RPAP2: variants seen among roughly 807,000 people sequenced by gnomAD.
RPAP2 encodes the protein putative RNA polymerase II subunit B1 CTD phosphatase RPAP2.
In RPAP2, 52 loss-of-function variants were observed where a neutral mutation model predicts 73.1. That is an observed-to-expected ratio of 0.71 (90% CI 0.57 to 0.90). The LOEUF (loss-of-function observed/expected upper bound fraction) is 0.90, where lower values mean the gene tolerates loss of function less well. Among genes scored for constraint, RPAP2 ranks in the 40% least tolerant of loss-of-function variants. The pLI is 0.00. For synonymous variants in RPAP2, 225 were observed against 242.1 expected (o/e 0.93, Z 0.65); for missense variants, 598 against 701.8 (o/e 0.85, Z 1.67).
At chr1:92,335,547 T>C (rs912996611) in intron 9 of RPAP2, among the ~76,000 whole-genome samples, 1 of 152,160 alleles carries the variant, frequency 6.6e-6, no homozygotes, top group Non-Finnish European at 1.5e-5. Flanking sequence ...TGTATATTCA[T>C]TCTATTTGGT....
intron 11 of RPAP2, among the ~76,000 whole-genome samples, chr1:92,371,046 C>G (rs1655126210): frequency 6.6e-6 from 1 of 152,048 alleles, no homozygotes; most frequent in South Asian, 2.1e-4. Flanking sequence ...GTGGCTCATG[C>G]CTGTAATCCC....
At chr1:92,344,564 T>A (rs1653777440) in intron 10 of RPAP2, among the ~76,000 whole-genome samples, 1 of 152,238 alleles carries the variant, frequency 6.6e-6, no homozygotes, top group Admixed American at 6.5e-5. Context: ...AAAACCCATT[T>A]TTTTAACACA....
At chr1:92,362,977 A>T (rs1401520228) in intron 11 of RPAP2, among the ~76,000 whole-genome samples, 5 of 152,210 alleles carry the variant, frequency 3.3e-5, no homozygotes, top group Non-Finnish European at 1.5e-5. Context: ...ATTAAGTGCC[A>T]CTAGCTAATT....
intron 10 of RPAP2, among the ~76,000 whole-genome samples, chr1:92,340,492 C>T (rs1653533348): frequency 1.3e-5 from 2 of 152,174 alleles, no homozygotes; most frequent in Non-Finnish European, 2.9e-5. Flanking sequence ...TCTGAAGTGA[C>T]AATCAATAAT....
Position 92,307,277 on chromosome 1 carries a change from G to A in RPAP2, c.488+1G>A, listed in dbSNP as rs1203442880. On this transcript the variant is annotated splice_donor_variant, in intron 6 of 12. Transcript: ENST00000610020. LOFTEE classifies it high-confidence loss of function. ...CAGTATGGGTTCGAGAAGAAGAGAG[G>A]TAATTTAAGTCATTGTGTATATACA... 1 of 1,591,220 alleles carries A rather than the reference G, an allele frequency of 6.3e-7. No individual in the cohort carries two copies. The highest frequency in any genetic ancestry group is 8.6e-7 in the Non-Finnish European group (1 of 1,162,934).
At chr1:92,340,602 G>A (rs919805501) in intron 10 of RPAP2, among the ~76,000 whole-genome samples, 1 of 152,174 alleles carries the variant, frequency 6.6e-6, no homozygotes, top group African/African-American at 2.4e-5. Context: ...TAGAGATTGA[G>A]TTTCATTCGG....
In RPAP2 at chr1:92,324,139, C is replaced by G; in HGVS notation, c.1219C>G (p.Leu407Val). ...KPEASLVKEE[L>V]DEDDIISDPD... Reference sequence around the variant, plus strand: ...CGAAGCCTCTCTGGTTAAAGAAGAACTTGATGAAGATGACATAATCTCAGA... The same window carrying G: ...CGAAGCCTCTCTGGTTAAAGAAGAAGTTGATGAAGATGACATAATCTCAGA... Residue 407 changes from leucine to valine, a missense_variant, in exon 8 of 13, where the codon CTT (leucine) becomes GTT (valine). Around this residue, in one of 3 missense-constraint regions of RPAP2, gnomAD observed 506 missense variants for 612.8 expected, o/e 0.83. Transcript: ENST00000610020. 6.2e-7 allele frequency: 1 copy of G among 1,614,086 alleles called. No individual in the cohort carries two copies. Among genetic ancestry groups the G allele is most frequent in the African/African-American group, 1.3e-5 (1 of 75,036 alleles).
intron 3 of RPAP2, 80 bp downstream of exon 3, chr1:92,301,670 T>C: frequency 1.9e-6 from 1 of 535,464 alleles, no homozygotes; most frequent in South Asian, 4.0e-5. Flanking sequence ...CTTTGCATTA[T>C]TAGAATCTTT....
At position 92,304,284 on chromosome 1, in the gene RPAP2, G is replaced by A; in HGVS notation, c.334G>A (p.Val112Ile). Residue 112 changes from valine to isoleucine, a missense_variant and splice_region_variant, in exon 5 of 13, where the codon GTA becomes ATA. Transcript: ENST00000610020. The stretch of plus-strand genomic sequence containing the variant: ...GTAAGCTGTACTTTCTTTTCTTTAG[G>A]TACCAAAACAGAAATATAAAATTTC... ...YPLCQKKLGI[V>I]PKQKYKISTK... 4.1e-6 allele frequency: 6 copies of A among 1,452,584 alleles called. No individual in the cohort carries two copies. The highest frequency in any genetic ancestry group is 1.8e-4 in the Middle Eastern group (1 of 5,712). The allele number at this position is 1,452,584 out of a possible 1,614,324, so 90.0% of individuals were successfully genotyped here.
chr1:92,376,729 A>G (rs1489824339), intron 11 of RPAP2, among the ~76,000 whole-genome samples: 1 of 152,240 alleles, frequency 6.6e-6, no homozygotes, highest in African/African-American at 2.4e-5. Flanking sequence ...TTGAGGGATC[A>G]GTACGTATGA....
rs139194932 is a variant in RPAP2, at chr1:92,304,465, T to C, written c.399+116T>C. 2,690 of 530,132 alleles carry C rather than the reference T, an allele frequency of 5.1e-3. 10 individuals carry two copies. The highest frequency in any genetic ancestry group is 6.7e-3 in the Non-Finnish European group (2,070 of 310,074). 32.8% of individuals were successfully genotyped at this position (530,132 alleles called of 1,614,324 possible). ...TTAAATAGGATTCTAAAAGAAACTT[T>C]AAAATCTTACTGGTTAGAAAATAGT... On this transcript the variant is annotated intron_variant, in intron 5 of 12. Coordinates refer to ENST00000610020, the MANE Select transcript of RPAP2 (RefSeq NM_024813.3).
In RPAP2 at chr1:92,387,129, C is replaced by A; in HGVS notation, c.*118C>A. The A allele has an allele frequency of 9.5e-7, 1 of 1,050,620 alleles. No individual in the cohort carries two copies. The highest frequency in any genetic ancestry group is 1.3e-6 in the Non-Finnish European group (1 of 741,078). 65.1% of individuals were successfully genotyped at this position (1,050,620 alleles called of 1,614,324 possible). ...GTTTTATTCCAAGACATACCTTTAC[C>A]TCTTTAAGTTTCAATCTCCCATCTC... On this transcript the variant is annotated 3_prime_UTR_variant, in exon 13 of 13. Transcript: ENST00000610020.
In RPAP2 at chr1:92,387,238, G is replaced by T; in HGVS notation, c.*227G>T. ...CTCCAACAAGAATAACCAAGTCTTT[G>T]TATCCCTAGTACAAGACATAGTATT... On this transcript the variant is annotated 3_prime_UTR_variant, in exon 13 of 13. Coordinates refer to ENST00000610020, the MANE Select transcript of RPAP2 (RefSeq NM_024813.3). 2 of 374,566 alleles carry T rather than the reference G, an allele frequency of 5.3e-6. No individual in the cohort carries two copies. Among genetic ancestry groups the T allele is most frequent in the Non-Finnish European group, 9.6e-6 (2 of 207,928 alleles). The allele number at this position is 374,566 out of a possible 1,614,324, so 23.2% of individuals were successfully genotyped here.
At chr1:92,333,599 G>A in intron 9 of RPAP2, 126 bp downstream of exon 9, 1 of 673,046 alleles carries the variant, frequency 1.5e-6, no homozygotes, top group Non-Finnish European at 2.5e-6. Flanking sequence ...AAGTTCACAT[G>A]GATTTCTTCA....
chr1:92,368,582 A>G (rs1313212627), intron 11 of RPAP2, among the ~76,000 whole-genome samples: 1 of 152,208 alleles, frequency 6.6e-6, no homozygotes, highest in Non-Finnish European at 1.5e-5. Context: ...AAGAGTTTGT[A>G]CAGCTCTAAA....
At position 92,311,627 on chromosome 1, in the gene RPAP2, T is replaced by C. The variant is rs184182708; in HGVS notation, c.488+4351T>C. ...ACCATTTGGAAACAGAATATTGAATTTGACCTAATTTGGTCTTTCTTACAT... is the reference window on the plus strand; with the variant it reads ...ACCATTTGGAAACAGAATATTGAATCTGACCTAATTTGGTCTTTCTTACAT... On this transcript the variant is annotated intron_variant, in intron 6 of 12. Transcript: ENST00000610020. Among the ~76,000 whole-genome samples, 35 of 152,324 alleles carry C rather than the reference T, an allele frequency of 2.3e-4. 1 individual carries two copies. Among genetic ancestry groups the C allele is most frequent in the Admixed American group, 2.0e-3 (31 of 15,304 alleles).
chr1:92,332,473 CGTGTT>C (rs1241652726), intron 8 of RPAP2, among the ~76,000 whole-genome samples: 1 of 151,970 alleles, frequency 6.6e-6, no homozygotes, highest in Non-Finnish European at 1.5e-5. Flanking sequence ...ATCATATTGT[CGTGTT>C]TTATTATATG....
chr1:92,306,778 A>G (rs1444337825), intron 5 of RPAP2, among the ~76,000 whole-genome samples: 1 of 152,180 alleles, frequency 6.6e-6, no homozygotes, highest in Non-Finnish European at 1.5e-5. Context: ...GTTTGAGGCT[A>G]CAGTGAGTGA....
Position 92,299,086 on chromosome 1 carries a change from G to C in RPAP2, c.13G>C (p.Ala5Pro). 1 of 1,515,074 alleles carries C rather than the reference G, an allele frequency of 6.6e-7. No individual in the cohort carries two copies. The highest frequency in any genetic ancestry group is 8.9e-7 in the Non-Finnish European group (1 of 1,127,940). The allele number at this position is 1,515,074 out of a possible 1,614,324, so 93.9% of individuals were successfully genotyped here. A position where few individuals can be genotyped will look rare whatever the true frequency, so the allele number is the denominator to read the frequency against. Residue 5 changes from alanine (A) to proline (P), a missense_variant, in exon 1 of 13, where the codon GCT becomes CCT. Physicochemically the swap from Ala to Pro is conservative, Grantham distance 27. Coordinates refer to ENST00000610020, the MANE Select transcript of RPAP2 (RefSeq NM_024813.3). ...ACTACTCTCCCCCATGGCGGACTTCGCTGGGCCGTCTTCTGCCGGCCGCAA... is the reference window on the plus strand; with the variant it reads ...ACTACTCTCCCCCATGGCGGACTTCCCTGGGCCGTCTTCTGCCGGCCGCAA... Reference protein sequence around the residue: MADFAGPSSAGRKAG... With the variant: MADFPGPSSAGRKAG...
Sources: allele counts gnomAD v4.1 joint callset (sites outside exome capture counted in the v4.1 genomes callset), GRCh38; gene constraint gnomAD v4.1.1; regional missense constraint gnomAD v4.1.1; transcripts MANE v1.5; gene names NCBI Gene and HGNC (gene_info 2026-07-23, HGNC 2026-07-21).